PTPRD: variants seen among roughly 807,000 people sequenced by gnomAD.
PTPRD encodes protein tyrosine phosphatase receptor type D.
A neutral mutation model predicts 214.5 loss-of-function variants in PTPRD; 34 were observed. The ratio of observed to expected loss-of-function variants is 0.16; its 90% CI spans 0.12 to 0.21. PTPRD has a LOEUF of 0.21. Ranked by LOEUF, PTPRD falls within the 10% of genes least tolerant of loss-of-function variation. PTPRD has a pLI of 1.00. For missense variants in PTPRD, 2,545 were observed against 2,398.7 expected, an observed-to-expected ratio of 1.06 and a Z score of -1.27; for synonymous variants, 1,128 against 845.7, an observed-to-expected ratio of 1.33 and a Z score of -5.79.
intron 10 of PTPRD, among the ~76,000 whole-genome samples, chr9:9,127,542 G>C (rs2099835953): frequency 6.6e-6 from 1 of 152,124 alleles, no homozygotes. Flanking sequence ...GGTTTGACTT[G>C]AGCAATCAAT....
chr9:8,401,822 A>G (rs931436741), intron 36 of PTPRD, among the ~76,000 whole-genome samples: 1 of 152,184 alleles, frequency 6.6e-6, no homozygotes, highest in Non-Finnish European at 1.5e-5. Context: ...AGCACCACTG[A>G]GAGAATAGAA....
intron 10 of PTPRD, among the ~76,000 whole-genome samples, chr9:9,026,663 T>A (rs2099588208): frequency 6.6e-6 from 1 of 152,014 alleles, no homozygotes; most frequent in Non-Finnish European, 1.5e-5. Context: ...TATTTCTTTT[T>A]AAAGGTATTT....
At chr9:9,643,251 T>C (rs990825527) in intron 7 of PTPRD, among the ~76,000 whole-genome samples, 1 of 152,164 alleles carries the variant, frequency 6.6e-6, no homozygotes, top group Admixed American at 6.5e-5. Context: ...CATCATACAA[T>C]GAGGCTTCTA....
chr9:9,499,542 A>T (rs1043970276), intron 8 of PTPRD, among the ~76,000 whole-genome samples: 1 of 152,130 alleles, frequency 6.6e-6, no homozygotes, highest in Admixed American at 6.6e-5. Flanking sequence ...AACATTTAAA[A>T]TTAAGACATT....
chr9:8,648,851 A>G (rs1288934472), intron 12 of PTPRD, among the ~76,000 whole-genome samples: 1 of 152,198 alleles, frequency 6.6e-6, no homozygotes, highest in African/African-American at 2.4e-5. Context: ...ATCTTTTTGT[A>G]GAGTTAGTTT....
chr9:8,924,210 G>T lies in PTPRD; in HGVS notation c.-104+94487C>A, dbSNP rs140904804. On this transcript the variant is annotated intron_variant, in intron 11 of 45. Transcript: ENST00000381196. ...TAAATAAGTCTACAGTACTGAAAAA[G>T]GATCAACATTGGCAAAGTATCAACC... 5.4e-3 allele frequency among the ~76,000 whole-genome samples: 800 copies of T among 149,476 alleles called. 1 individual carries two copies. Among genetic ancestry groups the T allele is most frequent in the Non-Finnish European group, 7.6e-3 (516 of 67,642 alleles).
chr9:9,902,007 C>T (rs1422982187), intron 5 of PTPRD, among the ~76,000 whole-genome samples: 2 of 152,132 alleles, frequency 1.3e-5, no homozygotes, highest in Non-Finnish European at 2.9e-5. Context: ...CAGTTAGTAT[C>T]ATATGAACTC....
chr9:10,498,595 G>A (rs1472378611), intron 2 of PTPRD, among the ~76,000 whole-genome samples: 2 of 151,634 alleles, frequency 1.3e-5, no homozygotes, highest in East Asian at 3.9e-4. Context: ...ATTTTTGTAT[G>A]AACCAACATT....
intron 14 of PTPRD, among the ~76,000 whole-genome samples, chr9:8,576,463 G>C (rs993285566): frequency 6.6e-6 from 1 of 151,870 alleles, no homozygotes; most frequent in Non-Finnish European, 1.5e-5. Context: ...GTTTCCTAAA[G>C]CTTCACATTT....
At chr9:10,052,933 T>A (rs2097560153) in intron 3 of PTPRD, among the ~76,000 whole-genome samples, 1 of 152,154 alleles carries the variant, frequency 6.6e-6, no homozygotes. Flanking sequence ...GTGAAGAGTA[T>A]ATTTTTTATA....
intron 8 of PTPRD, chr9:9,442,098 C>T (rs937638504): frequency 2.0e-5 from 3 of 152,320 alleles, no homozygotes; most frequent in Non-Finnish European, 4.4e-5. Flanking sequence ...CCCAGCTACT[C>T]GGGAGGCTGA....
At chr9:10,519,172 C>T (rs1200119652) in intron 2 of PTPRD, among the ~76,000 whole-genome samples, 3 of 148,898 alleles carry the variant, frequency 2.0e-5, no homozygotes, top group Admixed American at 6.8e-5. Context: ...AAAATATCCT[C>T]CTCCAGCTTT....
At chr9:8,854,115 A>C (rs923327663) in intron 11 of PTPRD, among the ~76,000 whole-genome samples, 1 of 151,152 alleles carries the variant, frequency 6.6e-6, no homozygotes, top group Non-Finnish European at 1.5e-5. Flanking sequence ...AGTACACTAC[A>C]TAAAACGTAA....
At chr9:8,425,050 G>GT (rs2094574214) in intron 35 of PTPRD, among the ~76,000 whole-genome samples, 1 of 152,106 alleles carries the variant, frequency 6.6e-6, no homozygotes, top group African/African-American at 2.4e-5. Context: ...CCCAACATTT[G>GT]TTTTTTCAAA....
In PTPRD at chr9:8,314,728, C is replaced by A. The variant is rs1429000840; in HGVS notation, c.*3146G>T. 4.3e-6 allele frequency: 1 copy of A among 231,788 alleles called. No individual in the cohort carries two copies. Among genetic ancestry groups the A allele is most frequent in the East Asian group, 6.1e-5 (1 of 16,520 alleles). The allele number at this position is 231,788 out of a possible 1,614,324, so 14.4% of individuals were successfully genotyped here. A position where few individuals can be genotyped will look rare whatever the true frequency, so the allele number is the denominator to read the frequency against. On this transcript the variant is annotated 3_prime_UTR_variant, in exon 46 of 46. Coordinates refer to ENST00000381196, the MANE Select transcript of PTPRD (RefSeq NM_002839.4). ...AAAAAAATACGTGCATTACTGCAGACTTTTTTCCCTTCCTGTTTCTATGTT... is the reference window on the plus strand; with the variant it reads ...AAAAAAATACGTGCATTACTGCAGAATTTTTTCCCTTCCTGTTTCTATGTT...
At chr9:10,070,159 A>C (rs529100209) in intron 3 of PTPRD, among the ~76,000 whole-genome samples, 3 of 152,140 alleles carry the variant, frequency 2.0e-5, no homozygotes, top group African/African-American at 7.2e-5. Context: ...CACAGAGAGG[A>C]AATTGGTTTT....
chr9:10,526,530 T>G (rs1444454741), intron 2 of PTPRD, among the ~76,000 whole-genome samples: 2 of 152,118 alleles, frequency 1.3e-5, no homozygotes, highest in Non-Finnish European at 2.9e-5. Context: ...GAGAATATTT[T>G]GAAGGTAGTT....
At chr9:8,873,237 T>C (rs888825962) in intron 11 of PTPRD, among the ~76,000 whole-genome samples, 13 of 152,194 alleles carry the variant, frequency 8.5e-5, no homozygotes, top group Non-Finnish European at 1.6e-4. Flanking sequence ...GAAGGAATCT[T>C]TATATACATG....
At chr9:10,283,306 G>A (rs1476260147) in intron 3 of PTPRD, among the ~76,000 whole-genome samples, 1 of 152,024 alleles carries the variant, frequency 6.6e-6, no homozygotes, top group East Asian at 1.9e-4. Flanking sequence ...TCAGTGTTAG[G>A]TTTATTTCTA....
Sources: allele counts gnomAD v4.1 joint callset (sites outside exome capture counted in the v4.1 genomes callset), GRCh38; gene constraint gnomAD v4.1.1; transcripts MANE v1.5; gene names NCBI Gene and HGNC (gene_info 2026-07-23, HGNC 2026-07-21).